CCDC152: variants seen among roughly 807,000 people sequenced by gnomAD.
CCDC152 encodes the protein coiled-coil domain containing 152.
Under a neutral mutation model 38.1 loss-of-function variants are expected in CCDC152, and 37 were observed. That is an observed-to-expected ratio of 0.97 (90% CI 0.75 to 1.28). The LOEUF (loss-of-function observed/expected upper bound fraction) is 1.28, where lower values mean the gene tolerates loss of function less well. Ranked by LOEUF, CCDC152 falls within the 50% of genes most tolerant of loss-of-function variation. CCDC152 has a pLI of 0.00. For synonymous variants in CCDC152, 83 were observed against 87.1 expected (o/e 0.95, Z 0.26); for missense variants, 259 against 292.1 (o/e 0.89, Z 0.83).
At chr5:42,799,231 A>G in intron 7 of CCDC152, 144 bp from the exon 8 acceptor site, 2 of 457,010 alleles carry the variant, frequency 4.4e-6, no homozygotes, top group Non-Finnish European at 7.6e-6. Context: ...ATTATTTCTT[A>G]AAGAAAGATT....
chr5:42,793,313 G>A (rs1299963722), intron 6 of CCDC152, among the ~76,000 whole-genome samples: 3 of 152,082 alleles, frequency 2.0e-5, no homozygotes, highest in Non-Finnish European at 4.4e-5. Flanking sequence ...GGGGCACAAG[G>A]GCTCCTTTTG....
intron 4 of CCDC152, among the ~76,000 whole-genome samples, chr5:42,777,467 T>TAAAAA (rs35424997): frequency 7.4e-6 from 1 of 134,806 alleles, no homozygotes. Context: ...CATCTCAATA[T>TAAAAA]AAAAAAAAAA....
At chr5:42,788,293 T>C (rs980693108) in intron 6 of CCDC152, among the ~76,000 whole-genome samples, 1 of 150,850 alleles carries the variant, frequency 6.6e-6, no homozygotes, top group Non-Finnish European at 1.5e-5. Flanking sequence ...CTGTAAGAAG[T>C]CTGCCATATA....
chr5:42,790,166 A>G (rs1759978458), intron 6 of CCDC152, among the ~76,000 whole-genome samples: 1 of 152,242 alleles, frequency 6.6e-6, no homozygotes. Context: ...GACAGTTACT[A>G]TCCCAGAGAC....
At position 42,800,586 on chromosome 5, in the gene CCDC152, CCAATT is replaced by C; in HGVS notation, c.*808_*812del. Reference sequence around the variant, plus strand: ...TGACATAAAATTTAAAATCTGGAAGCCAATTCAGTAGATTTCTCCATGTTTGCACA... The same window carrying C: ...TGACATAAAATTTAAAATCTGGAAGCCAGTAGATTTCTCCATGTTTGCACA... On this transcript the variant is annotated 3_prime_UTR_variant, in exon 9 of 9. Coordinates refer to ENST00000361970, the MANE Select transcript of CCDC152 (RefSeq NM_001134848.2). The C allele has an allele frequency of 9.2e-7, 1 of 1,087,270 alleles. No individual in the cohort carries two copies. Among genetic ancestry groups the C allele is most frequent in the Non-Finnish European group, 1.3e-6 (1 of 776,124 alleles). 67.4% of individuals were successfully genotyped at this position (1,087,270 alleles called of 1,614,324 possible).
chr5:42,775,160 G>A (rs932267400), intron 4 of CCDC152, among the ~76,000 whole-genome samples: 2 of 151,928 alleles, frequency 1.3e-5, no homozygotes, highest in Non-Finnish European at 1.5e-5. Context: ...AACATCAGAA[G>A]CAATAATGAC....
intron 6 of CCDC152, among the ~76,000 whole-genome samples, chr5:42,792,380 C>G (rs3870358): frequency 6.6e-6 from 1 of 152,034 alleles, no homozygotes; most frequent in Non-Finnish European, 1.5e-5. Context: ...TTTTTGCTAA[C>G]AGCCCTCAAT....
intron 4 of CCDC152, among the ~76,000 whole-genome samples, chr5:42,774,394 G>GT (rs1266368437): frequency 3.3e-5 from 5 of 152,154 alleles, no homozygotes; most frequent in Non-Finnish European, 7.4e-5. Flanking sequence ...GAGAAGAAAA[G>GT]TAACCATTTT....
chr5:42,760,269 A>C (rs1211407505), intron 2 of CCDC152, among the ~76,000 whole-genome samples: 1 of 139,790 alleles, frequency 7.2e-6, no homozygotes, highest in Non-Finnish European at 1.5e-5. Flanking sequence ...GCGCCACTGC[A>C]CTCCAGTCTG....
At position 42,801,238 on chromosome 5, in the gene CCDC152, G is replaced by T. The variant is rs1305829784; in HGVS notation, c.*1457G>T. ...AGGTGCTGATGTCCATGATTGTGAT[G>T]ATGCTCATGATGGTAATGAGGCGAT... On this transcript the variant is annotated 3_prime_UTR_variant, in exon 9 of 9. Coordinates refer to ENST00000361970, the MANE Select transcript of CCDC152 (RefSeq NM_001134848.2). 4 of 1,614,086 alleles carry T rather than the reference G, an allele frequency of 2.5e-6. No individual in the cohort carries two copies. In the Admixed American group the frequency reaches 6.7e-5, roughly 27 times the overall value.
At chr5:42,763,439 G>A (rs139285927) in intron 3 of CCDC152, among the ~76,000 whole-genome samples, 86 of 152,188 alleles carry the variant, frequency 5.7e-4, no homozygotes, top group African/African-American at 2.0e-3. Context: ...CTCATTAATC[G>A]TGGGCTCAAT....
In CCDC152 at chr5:42,779,524, T is replaced by A; in HGVS notation, c.327+2T>A. ...GAGAAGTTAAAGTCTCATGAACAGG[T>A]GAGTTTATGTATCATTCTATTCAGT... On this transcript the variant is annotated splice_donor_variant, in intron 5 of 8. Coordinates refer to ENST00000361970, the MANE Select transcript of CCDC152 (RefSeq NM_001134848.2). LOFTEE classifies it high-confidence loss of function. 1 of 1,464,410 alleles carries A rather than the reference T, an allele frequency of 6.8e-7. No individual in the cohort carries two copies. The highest frequency in any genetic ancestry group is 9.4e-7 in the Non-Finnish European group (1 of 1,068,466). 90.7% of individuals were successfully genotyped at this position (1,464,410 alleles called of 1,614,324 possible).
intron 6 of CCDC152, among the ~76,000 whole-genome samples, chr5:42,787,700 A>G (rs1044761795): frequency 2.0e-5 from 3 of 152,122 alleles, no homozygotes; most frequent in Non-Finnish European, 2.9e-5. Context: ...TTATCATTAT[A>G]TAATGCCCTT....
At chr5:42,762,368 G>T (rs1177748193) in intron 2 of CCDC152, 75 bp from the exon 3 acceptor site, 1 of 736,956 alleles carries the variant, frequency 1.4e-6, no homozygotes, top group South Asian at 1.8e-5. Flanking sequence ...ATTTTCATTA[G>T]TCTGCATATA....
chr5:42,783,877 G>C (rs1470702833), intron 6 of CCDC152, among the ~76,000 whole-genome samples: 1 of 152,096 alleles, frequency 6.6e-6, no homozygotes, highest in Non-Finnish European at 1.5e-5. Flanking sequence ...AGTTCACTTA[G>C]AATGATGCCC....
Position 42,798,688 on chromosome 5 carries a change from A to G in CCDC152, c.559-687A>G, listed in dbSNP as rs558814197. Among the ~76,000 whole-genome samples the G allele has an allele frequency of 2.0e-5, 3 of 152,190 alleles. No homozygotes were observed. In the South Asian group the frequency reaches 6.2e-4, roughly 32 times the overall value. On this transcript the variant is annotated intron_variant, in intron 7 of 8. Transcript: ENST00000361970. Reference sequence around the variant, plus strand: ...TGTACCTAACCATTTCTCTCCTCAAACCAGAGCATAATCTCAGAGTTTATT... The same window carrying G: ...TGTACCTAACCATTTCTCTCCTCAAGCCAGAGCATAATCTCAGAGTTTATT...
chr5:42,763,576 C>G (rs1759585026), intron 3 of CCDC152, among the ~76,000 whole-genome samples: 1 of 152,138 alleles, frequency 6.6e-6, no homozygotes, highest in Admixed American at 6.5e-5. Context: ...ATTGTTATAT[C>G]ATATTGATAG....
intron 3 of CCDC152, among the ~76,000 whole-genome samples, chr5:42,769,058 G>A (rs2111948462): frequency 6.6e-6 from 1 of 152,146 alleles, no homozygotes; most frequent in Admixed American, 6.5e-5. Flanking sequence ...AGACCGCATG[G>A]CCAACATGGT....
intron 6 of CCDC152, among the ~76,000 whole-genome samples, 163 bp from the exon 7 acceptor site, chr5:42,796,666 T>C (rs1760079998): frequency 6.6e-6 from 1 of 152,158 alleles, no homozygotes; most frequent in Non-Finnish European, 1.5e-5. Context: ...CAGGGTCTTG[T>C]AAAAAACATA....
Sources: gnomAD v4.1 joint callset for allele counts (sites outside exome capture counted in the v4.1 genomes callset) on GRCh38, gnomAD v4.1.1 for gene constraint, MANE v1.5 for transcripts, NCBI Gene and HGNC (gene_info 2026-07-23, HGNC 2026-07-21) for gene names.